The following HDAC2 variants were observed in gnomAD, a reference collection of about 807,000 sequenced individuals.
HDAC2 encodes the protein histone deacetylase 2.
HDAC2 carries 5 observed loss-of-function variants against 68.5 expected under a neutral mutation model. That is an observed-to-expected ratio of 0.07 (90% CI 0.04 to 0.15). The LOEUF is 0.15. Among genes scored for constraint, HDAC2 ranks in the 10% least tolerant of loss-of-function variants. The probability of loss-of-function intolerance (pLI) is 1.00; values close to 1 mark genes in which losing one functional copy is unlikely to be tolerated. For synonymous variants in HDAC2, 182 were observed against 191.3 expected, an observed-to-expected ratio of 0.95 and a Z score of 0.40; for missense variants, 291 against 600.8, an observed-to-expected ratio of 0.48 and a Z score of 5.39.
At chr6:113,953,903 C>T (rs975487708) in intron 5 of HDAC2, among the ~76,000 whole-genome samples, 2 of 152,104 alleles carry the variant, frequency 1.3e-5, no homozygotes, top group East Asian at 1.9e-4. Flanking sequence ...TATTTTCTGA[C>T]GTGTGATAAT....
At position 113,937,507 on chromosome 6, in the gene HDAC2, T is replaced by A. The variant is rs1776029555; in HGVS notation, c.*3551A>T. On this transcript the variant is annotated 3_prime_UTR_variant, in exon 14 of 14. Transcript: ENST00000519065. ...AATTAAAGAGCTTTACTTGAGTTAATATCTTAGTTTACCAAACCTGACCTG... is the reference window on the plus strand; with the variant it reads ...AATTAAAGAGCTTTACTTGAGTTAAAATCTTAGTTTACCAAACCTGACCTG... 6.6e-6 allele frequency: 1 copy of A among 152,254 alleles called. No individual in the cohort carries two copies. Among genetic ancestry groups the A allele is most frequent in the Non-Finnish European group, 1.5e-5 (1 of 68,066 alleles). The allele number at this position is 152,254 out of a possible 1,614,324, so 9.4% of individuals were successfully genotyped here.
At position 113,943,216 on chromosome 6, in the gene HDAC2, G is replaced by GA. The variant is rs1196115375; in HGVS notation, c.1378+134dup. The GA allele has an allele frequency of 2.7e-5, 17 of 628,646 alleles. No individual in the cohort carries two copies. The South Asian group carries it at 3.3e-4, about 12-fold the overall frequency. 38.9% of individuals were successfully genotyped at this position (628,646 alleles called of 1,614,324 possible). On this transcript the variant is annotated intron_variant, in intron 12 of 13. Transcript: ENST00000519065. ...AGAGCTAAGTACCACTTATATGTAA[G>GA]AAAAAAGAGTCACCTACCTAGCATA... is the stretch of plus-strand genomic sequence containing the variant.
chr6:113,953,226 G>C (rs371163056), intron 6 of HDAC2, 51 bp downstream of exon 6: 12 of 1,356,572 alleles, frequency 8.8e-6, no homozygotes, highest in Non-Finnish European at 1.1e-5. Context: ...TAGGATTACT[G>C]ATCTCCTAGG....
At position 113,937,458 on chromosome 6, in the gene HDAC2, A is replaced by G. The variant is rs1260464639; in HGVS notation, c.*3600T>C. On this transcript the variant is annotated 3_prime_UTR_variant, in exon 14 of 14. Transcript: ENST00000519065. Reference sequence around the variant, plus strand: ...TTCACCCATGCCATAGAGAACTGAGACAATGTGGCACCTTCATTAAATGAA... The same window carrying G: ...TTCACCCATGCCATAGAGAACTGAGGCAATGTGGCACCTTCATTAAATGAA... 1.3e-5 allele frequency: 2 copies of G among 152,218 alleles called. No homozygotes were observed. Among genetic ancestry groups the G allele is most frequent in the African/African-American group, 4.8e-5 (2 of 41,444 alleles). The allele number at this position is 152,218 out of a possible 1,614,324, so 9.4% of individuals were successfully genotyped here. A position where few individuals can be genotyped will look rare whatever the true frequency, so the allele number is the denominator to read the frequency against.
intron 3 of HDAC2, among the ~76,000 whole-genome samples, chr6:113,957,901 GA>G (rs543030039): frequency 3.9e-4 from 56 of 142,862 alleles, no homozygotes; most frequent in African/African-American, 5.1e-4. Flanking sequence ...AATCTTCATT[GA>G]AAAAAAAAAA....
At chr6:113,962,086 GAA>G (rs773112164) in intron 1 of HDAC2, among the ~76,000 whole-genome samples, 1 of 133,328 alleles carries the variant, frequency 7.5e-6, no homozygotes. Flanking sequence ...AAGTGTGTTT[GAA>G]AAAAAAAAAA....
In HDAC2 at chr6:113,956,698, G is replaced by A. The variant is rs1421525974; in HGVS notation, c.284-5C>T. The A allele has an allele frequency of 1.2e-6, 2 of 1,601,186 alleles. No homozygotes were observed. Among genetic ancestry groups the A allele is most frequent in the Admixed American group, 3.3e-5 (2 of 59,888 alleles). Reference sequence around the variant, plus strand: ...GACAATCTTCTCCAACATTAACTGTGGAAGATGGATTTCATTAATTTCAAC... The same window carrying A: ...GACAATCTTCTCCAACATTAACTGTAGAAGATGGATTTCATTAATTTCAAC... On this transcript the variant is annotated splice_region_variant and splice_polypyrimidine_tract_variant and intron_variant, in intron 3 of 13. Coordinates refer to ENST00000519065, the MANE Select transcript of HDAC2 (RefSeq NM_001527.4).
chr6:113,962,395 C>A, intron 1 of HDAC2: 1 of 892,124 alleles, frequency 1.1e-6, no homozygotes, highest in Non-Finnish European at 1.3e-6. Context: ...AGGGTGAAGG[C>A]TGAAAAAAAG....
intron 1 of HDAC2, among the ~76,000 whole-genome samples, chr6:113,961,256 T>G (rs531799931): frequency 1.3e-5 from 2 of 152,164 alleles, no homozygotes; most frequent in Non-Finnish European, 2.9e-5. Context: ...CTTTTGTTTG[T>G]TTAATGGAAA....
At chr6:113,959,841 T>C (rs1776639831) in intron 2 of HDAC2, 65 bp downstream of exon 2, 2 of 735,812 alleles carry the variant, frequency 2.7e-6, no homozygotes, top group Non-Finnish European at 2.4e-6. Context: ...ATAGACAAAG[T>C]TTCACAGTAG....
Position 113,938,713 on chromosome 6 carries a change from T to A in HDAC2, c.*2345A>T, listed in dbSNP as rs1776061138. 1 of 152,210 alleles carries A rather than the reference T, an allele frequency of 6.6e-6. No homozygotes were observed. Among genetic ancestry groups the A allele is most frequent in the South Asian group, 2.1e-4 (1 of 4,834 alleles). 9.4% of individuals were successfully genotyped at this position (152,210 alleles called of 1,614,324 possible). ...ACATCTTACTATGTTACATTGACCT[T>A]ACTAGACACAAGAACCATAGCTTCT... On this transcript the variant is annotated 3_prime_UTR_variant, in exon 14 of 14. Transcript: ENST00000519065.
intron 12 of HDAC2, among the ~76,000 whole-genome samples, chr6:113,942,235 G>C (rs1362666541): frequency 1.3e-5 from 2 of 152,070 alleles, no homozygotes; most frequent in African/African-American, 4.8e-5. Flanking sequence ...TACAGCTAAA[G>C]TTAAGTCGTC....
rs898332528 is a variant in HDAC2, at chr6:113,939,611, G to A, written c.*1447C>T. The A allele has an allele frequency of 1.3e-5, 2 of 151,974 alleles. No homozygotes were observed. Among genetic ancestry groups the A allele is most frequent in the African/African-American group, 4.8e-5 (2 of 41,372 alleles). 9.4% of individuals were successfully genotyped at this position (151,974 alleles called of 1,614,324 possible). ...GATTGATAACAAATATGTAGCAAAA[G>A]TACAAAAACATGGGTAAAATATTCA... On this transcript the variant is annotated 3_prime_UTR_variant, in exon 14 of 14. Transcript: ENST00000519065.
chr6:113,970,935 G>A lies in HDAC2; in HGVS notation c.-27C>T. 6.4e-7 allele frequency: 1 copy of A among 1,552,992 alleles called. No homozygotes were observed. The highest frequency in any genetic ancestry group is 8.7e-7 in the Non-Finnish European group (1 of 1,148,340). ...GGCTCCCCGGCCACCGCCGCCACCG[G>A]GCTCCTCCTCCTGCTGCTGCTGCTG... On this transcript the variant is annotated 5_prime_UTR_variant, in exon 1 of 14. Transcript: ENST00000519065.
At position 113,939,532 on chromosome 6, in the gene HDAC2, T is replaced by C. The variant is rs1244552431; in HGVS notation, c.*1526A>G. The C allele has an allele frequency of 6.6e-6, 1 of 152,178 alleles. No homozygotes were observed. Among genetic ancestry groups the C allele is most frequent in the Admixed American group, 6.5e-5 (1 of 15,272 alleles). The allele number at this position is 152,178 out of a possible 1,614,324, so 9.4% of individuals were successfully genotyped here. A position where few individuals can be genotyped will look rare whatever the true frequency, so the allele number is the denominator to read the frequency against. On this transcript the variant is annotated 3_prime_UTR_variant, in exon 14 of 14. Coordinates refer to ENST00000519065, the MANE Select transcript of HDAC2 (RefSeq NM_001527.4). ...CACAAACACTAAATACATTTCATTA[T>C]CCCCCTAACGAAGGGACTAAGTTTC...
intron 3 of HDAC2, among the ~76,000 whole-genome samples, chr6:113,957,657 T>C (rs1295779343): frequency 6.6e-6 from 1 of 152,082 alleles, no homozygotes; most frequent in African/African-American, 2.4e-5. Flanking sequence ...GCTAATTTTC[T>C]GTACTTTTTT....
intron 6 of HDAC2, among the ~76,000 whole-genome samples, chr6:113,950,229 ACTT>A (rs1482664628): frequency 7.0e-4 from 104 of 148,944 alleles, no homozygotes; most frequent in African/African-American, 2.6e-3. Context: ...TATTATATAT[ACTT>A]ACTTATTTGT....
In HDAC2 at chr6:113,938,197, A is replaced by C. The variant is rs554387149; in HGVS notation, c.*2861T>G. On this transcript the variant is annotated 3_prime_UTR_variant, in exon 14 of 14. Transcript: ENST00000519065. Reference sequence around the variant, plus strand: ...TAGGTTTAAAAAACTAAGTTAAAAAATAAGTCTCTCTATAGCTTTTTATTT... The same window carrying C: ...TAGGTTTAAAAAACTAAGTTAAAAACTAAGTCTCTCTATAGCTTTTTATTT... The C allele has an allele frequency of 2.0e-5, 3 of 152,236 alleles. No individual in the cohort carries two copies. Among genetic ancestry groups the C allele is most frequent in the Non-Finnish European group, 2.9e-5 (2 of 68,036 alleles). 9.4% of individuals were successfully genotyped at this position (152,236 alleles called of 1,614,324 possible).
chr6:113,954,825 G>C (rs1216216074), intron 5 of HDAC2, among the ~76,000 whole-genome samples: 2 of 151,930 alleles, frequency 1.3e-5, no homozygotes, highest in Non-Finnish European at 2.9e-5. Flanking sequence ...AATCTGCTAA[G>C]ATGTGTCATA....
Sources: gnomAD v4.1 joint callset for allele counts (sites outside exome capture counted in the v4.1 genomes callset) on GRCh38, gnomAD v4.1.1 for gene constraint, MANE v1.5 for transcripts, NCBI Gene and HGNC (gene_info 2026-07-23, HGNC 2026-07-21) for gene names.